PTPN3: variants seen among roughly 807,000 people sequenced by gnomAD.
The protein encoded by PTPN3 is tyrosine-protein phosphatase non-receptor type 3.
PTPN3 carries 96 observed loss-of-function variants against 132.7 expected under a neutral mutation model. The ratio of observed to expected loss-of-function variants is 0.72; its 90% confidence interval spans 0.61 to 0.86. The LOEUF is 0.86. Ranked by LOEUF, PTPN3 falls within the 40% of genes least tolerant of loss-of-function variation. PTPN3 has a pLI of 0.00. For missense variants in PTPN3, 1,125 were observed against 1,159.6 expected, an observed-to-expected ratio of 0.97 and a Z score of 0.43; for synonymous variants, 398 against 429.0, an observed-to-expected ratio of 0.93 and a Z score of 0.89.
At chr9:109,502,728 T>A (rs958206864), upstream of PTPN3, among the ~76,000 whole-genome samples, 1 of 152,164 alleles carries the variant, frequency 6.6e-6, no homozygotes, top group African/African-American at 2.4e-5. Flanking sequence ...TCAGGGCGGT[T>A]GAGGCTGCAG....
chr9:109,409,133 A>C (rs979286955), intron 16 of PTPN3, among the ~76,000 whole-genome samples: 5 of 151,992 alleles, frequency 3.3e-5, no homozygotes, highest in African/African-American at 1.2e-4. Context: ...GCAGTCATTA[A>C]CCCACCAGTA....
chr9:109,403,730 G>A (rs1324030803), intron 19 of PTPN3, among the ~76,000 whole-genome samples: 1 of 152,178 alleles, frequency 6.6e-6, no homozygotes, highest in Non-Finnish European at 1.5e-5. Flanking sequence ...AATAAATTTG[G>A]AAGATGAACA....
intron 9 of PTPN3, among the ~76,000 whole-genome samples, chr9:109,434,513 G>T: frequency 6.6e-6 from 1 of 152,188 alleles, no homozygotes; most frequent in African/African-American, 2.4e-5. Context: ...ACACTATGTT[G>T]CCTAGGCTGG....
chr9:109,443,942 G>A (rs1403915894), intron 7 of PTPN3, among the ~76,000 whole-genome samples: 1 of 152,072 alleles, frequency 6.6e-6, no homozygotes, highest in Non-Finnish European at 1.5e-5. Context: ...TAAGCTGCAG[G>A]CCCAGCCACC....
At chr9:109,528,051 C>T in the PTPN3 span, among the ~76,000 whole-genome samples, 1 of 152,234 alleles carries the variant, frequency 6.6e-6, no homozygotes, top group Admixed American at 6.5e-5. Flanking sequence ...AATTTAAAAG[C>T]ACATGATATC....
At chr9:109,397,224 C>G (rs113632189) in intron 19 of PTPN3, among the ~76,000 whole-genome samples, 3 of 152,186 alleles carry the variant, frequency 2.0e-5, no homozygotes, top group Admixed American at 6.5e-5. Flanking sequence ...TCAGCCACTA[C>G]GGCATTATCT....
chr9:109,537,166 C>T, the PTPN3 span, among the ~76,000 whole-genome samples: 4 of 152,132 alleles, frequency 2.6e-5, no homozygotes, highest in African/African-American at 7.2e-5. Flanking sequence ...AACACAAGTA[C>T]ACATTATTGT....
intron 19 of PTPN3, among the ~76,000 whole-genome samples, chr9:109,403,034 C>T (rs1447100660): frequency 6.6e-6 from 1 of 152,142 alleles, no homozygotes; most frequent in African/African-American, 2.4e-5. Context: ...GCCAAGATGG[C>T]ACCACTGCAC....
At chr9:109,404,815 T>C (rs1320782881) in intron 18 of PTPN3, among the ~76,000 whole-genome samples, 1 of 152,260 alleles carries the variant, frequency 6.6e-6, no homozygotes, top group East Asian at 1.9e-4. Context: ...AATGACATAC[T>C]AATCTTCCTG....
intron 23 of PTPN3, 125 bp downstream of exon 23, chr9:109,383,298 C>A (rs548409878): frequency 3.3e-6 from 5 of 1,530,178 alleles, no homozygotes; most frequent in South Asian, 1.2e-5. Flanking sequence ...GGCAGTCTTG[C>A]GCACTTACTG....
chr9:109,467,028 A>C (rs943378576), intron 1 of PTPN3, among the ~76,000 whole-genome samples: 1 of 152,036 alleles, frequency 6.6e-6, no homozygotes, highest in Non-Finnish European at 1.5e-5. Context: ...TAAAAAAAAA[A>C]CTTCCTGGGA....
chr9:109,509,308 G>A, the PTPN3 span, among the ~76,000 whole-genome samples: 1 of 152,180 alleles, frequency 6.6e-6, no homozygotes, highest in African/African-American at 2.4e-5. Flanking sequence ...CAGCCTCTGT[G>A]ACAGTATTTT....
In PTPN3 at chr9:109,410,349, T is replaced by A. The variant is rs929077858; in HGVS notation, c.1380A>T (p.Pro460=). 1 of 1,614,160 alleles carries A rather than the reference T, an allele frequency of 6.2e-7. No homozygotes were observed. The highest frequency in any genetic ancestry group is 8.5e-7 in the Non-Finnish European group (1 of 1,180,022). Residue 460 remains proline (P), a synonymous_variant, in exon 15 of 26, where the codon CCA becomes CCT. Coordinates refer to ENST00000374541, the MANE Select transcript of PTPN3 (RefSeq NM_002829.4). The part of the protein sequence containing the change: ...LTQKSSSSVS[P]SSNAPGSCSP... ...AGCAGGAGCCTGGAGCATTTGAAGA[T>A]GGAGACACAGAACTGGATGACTTCT...
At chr9:109,460,621 T>C (rs1327530807) in intron 2 of PTPN3, among the ~76,000 whole-genome samples, 1 of 152,226 alleles carries the variant, frequency 6.6e-6, no homozygotes, top group Non-Finnish European at 1.5e-5. Flanking sequence ...CTGCTGTTCC[T>C]TCTCCCTGGG....
At chr9:109,419,070 A>G (rs1349664171) in intron 14 of PTPN3, among the ~76,000 whole-genome samples, 1 of 152,258 alleles carries the variant, frequency 6.6e-6, no homozygotes, top group Non-Finnish European at 1.5e-5. Flanking sequence ...ACTCACAATC[A>G]TCCACTGTAG....
chr9:109,456,553 G>A (rs370065124), intron 4 of PTPN3, among the ~76,000 whole-genome samples: 18 of 152,168 alleles, frequency 1.2e-4, no homozygotes, highest in African/African-American at 4.3e-4. Context: ...CTGCAGATCA[G>A]CCAGGTTGGT....
intron 14 of PTPN3, among the ~76,000 whole-genome samples, chr9:109,413,063 A>T (rs193214806): frequency 5.3e-4 from 81 of 151,410 alleles, no homozygotes; most frequent in African/African-American, 1.9e-3. Context: ...CTCCTGCCTC[A>T]GTCTCCCATG....
intron 22 of PTPN3, 37 bp downstream of exon 22, chr9:109,389,196 C>T (rs1322618897): frequency 1.2e-6 from 2 of 1,609,696 alleles, no homozygotes; most frequent in Non-Finnish European, 1.7e-6. Flanking sequence ...TAGGGTGTGA[C>T]ACTGCACACA....
At chr9:109,519,614 CCAAA>C in the PTPN3 span, among the ~76,000 whole-genome samples, 2 of 152,138 alleles carry the variant, frequency 1.3e-5, no homozygotes, top group Non-Finnish European at 2.9e-5. Flanking sequence ...GGACTTGAAG[CCAAA>C]CAAACTTGCT....
Sources: gnomAD v4.1 joint callset for allele counts (sites outside exome capture counted in the v4.1 genomes callset) on GRCh38, gnomAD v4.1.1 for gene constraint, MANE v1.5 for transcripts, NCBI Gene and HGNC (gene_info 2026-07-23, HGNC 2026-07-21) for gene names.